PIK3CB: variants seen among roughly 807,000 people sequenced by gnomAD.
PIK3CB encodes phosphatidylinositol 4,5-bisphosphate 3-kinase catalytic subunit beta isoform.
PIK3CB carries 39 observed loss-of-function variants against 136.8 expected under a neutral mutation model. The observed-to-expected ratio is 0.29, with a 90% confidence interval of 0.22 to 0.37. PIK3CB has a LOEUF of 0.37. Ranked by LOEUF, PIK3CB falls within the 10% of genes least tolerant of loss-of-function variation. The pLI, the probability that PIK3CB is intolerant of heterozygous loss-of-function variation, is 1.00. For synonymous variants in PIK3CB, 428 were observed against 436.6 expected, an observed-to-expected ratio of 0.98 and a Z score of 0.25; for missense variants, 868 against 1,275.4, an observed-to-expected ratio of 0.68 and a Z score of 4.87.
chr3:138,781,456 A>ATT (rs60060720), intron 2 of PIK3CB, among the ~76,000 whole-genome samples: 1 of 144,698 alleles, frequency 6.9e-6, no homozygotes, highest in African/African-American at 2.5e-5. Flanking sequence ...CTCTACAGAA[A>ATT]TTTTTTTTTT....
At chr3:138,696,516 T>C (rs578226056) in intron 13 of PIK3CB, among the ~76,000 whole-genome samples, 2 of 152,304 alleles carry the variant, frequency 1.3e-5, no homozygotes, top group Admixed American at 1.3e-4. Context: ...AAGTTTTACT[T>C]AGCTATTCTT....
chr3:138,789,351 C>T (rs577309605), intron 2 of PIK3CB, among the ~76,000 whole-genome samples: 1 of 151,772 alleles, frequency 6.6e-6, no homozygotes, highest in South Asian at 2.1e-4. Context: ...CCCAGCTACT[C>T]AGGAGGCTGA....
At chr3:138,819,870 G>T (rs1453989602) in intron 1 of PIK3CB, among the ~76,000 whole-genome samples, 2 of 152,170 alleles carry the variant, frequency 1.3e-5, no homozygotes, top group East Asian at 3.9e-4. Flanking sequence ...GGGCTACTTG[G>T]GTGGCTGAGG....
At chr3:138,777,525 C>T (rs772471786) in intron 2 of PIK3CB, among the ~76,000 whole-genome samples, 3 of 152,142 alleles carry the variant, frequency 2.0e-5, no homozygotes, top group Non-Finnish European at 2.9e-5. Flanking sequence ...ATCCCTCAGA[C>T]GTCATGTTTT....
chr3:138,730,423 C>T (rs1221220944), intron 8 of PIK3CB, among the ~76,000 whole-genome samples: 1 of 152,058 alleles, frequency 6.6e-6, no homozygotes, highest in Non-Finnish European at 1.5e-5. Flanking sequence ...AGAGAAATAC[C>T]AACCATAAAC....
intron 2 of PIK3CB, among the ~76,000 whole-genome samples, chr3:138,765,282 A>T (rs576186085): frequency 1.3e-5 from 2 of 152,250 alleles, no homozygotes; most frequent in South Asian, 4.2e-4. Context: ...ATGCCACTGC[A>T]CTCCGGCCTG....
chr3:138,771,027 A>G (rs1050208192), intron 2 of PIK3CB, among the ~76,000 whole-genome samples: 1 of 151,954 alleles, frequency 6.6e-6, no homozygotes, highest in African/African-American at 2.4e-5. Context: ...TTCTTTAAAT[A>G]CTACATTTGC....
intron 2 of PIK3CB, among the ~76,000 whole-genome samples, chr3:138,769,231 C>A (rs2045771333): frequency 6.6e-6 from 1 of 152,218 alleles, no homozygotes; most frequent in Non-Finnish European, 1.5e-5. Flanking sequence ...GCTGCCATCA[C>A]TACTATTTCT....
At chr3:138,792,049 G>A (rs533834903) in intron 2 of PIK3CB, among the ~76,000 whole-genome samples, 1 of 152,200 alleles carries the variant, frequency 6.6e-6, no homozygotes, top group African/African-American at 2.4e-5. Flanking sequence ...TGGATGCGGG[G>A]CCAGGCCTGG....
rs2108644421 is a variant in PIK3CB, at chr3:138,734,672, G to A, written c.934C>T (p.Pro312Ser). Reference sequence around the variant, plus strand: ...GTTTTCTTTGGTGGTAATGGAAGAGGAAGATTAGATGAATTTCGATTTATG... The same window carrying A: ...GTTTTCTTTGGTGGTAATGGAAGAGAAAGATTAGATGAATTTCGATTTATG... ...AAINRNSSNL[P>S]LPLPPKKTRI... is the part of the protein sequence containing the mutation. The change falls in exon 7 of 24, where the codon CCT (proline) becomes TCT (serine). Residue 312 changes from proline (P) to serine (S), a missense_variant. Pro to Ser is a moderately conservative substitution (Grantham distance 74). Transcript: ENST00000674063. 6.2e-7 allele frequency: 1 copy of A among 1,612,922 alleles called. No homozygotes were observed. Among genetic ancestry groups the A allele is most frequent in the Non-Finnish European group, 8.5e-7 (1 of 1,179,262 alleles).
intron 2 of PIK3CB, among the ~76,000 whole-genome samples, chr3:138,779,789 A>G (rs551713217): frequency 6.7e-6 from 1 of 149,002 alleles, no homozygotes; most frequent in South Asian, 2.1e-4. Flanking sequence ...TCGGCCTCCC[A>G]AAGTGCTAGG....
At position 138,707,276 on chromosome 3, in the gene PIK3CB, T is replaced by G; in HGVS notation, c.1413A>C (p.Glu471Asp). 1 of 1,598,614 alleles carries G rather than the reference T, an allele frequency of 6.3e-7. No individual in the cohort carries two copies. The highest frequency in any genetic ancestry group is 8.5e-7 in the Non-Finnish European group (1 of 1,174,474). ...GAACAGTTCCCATTGGATTCAACAT[T>G]TCTTCGAGTTCATCTAAAACATGCA... The part of the protein sequence containing the change: ...SWSSFPDELE[E>D]MLNPMGTVQT... Residue 471 changes from glutamate to aspartate, a missense_variant, in exon 11 of 24, where the codon GAA becomes GAC. This residue lies in a region of PIK3CB where 612 missense variants were observed against 801.1 expected (regional missense o/e 0.76). Transcript: ENST00000674063.
intron 1 of PIK3CB, among the ~76,000 whole-genome samples, chr3:138,823,721 A>G (rs113357870): frequency 6.6e-6 from 1 of 151,356 alleles, no homozygotes. Flanking sequence ...TAATGAAAAA[A>G]TTTTTTTAAA....
rs182565166 is a variant in PIK3CB, at chr3:138,797,909, C to A, written c.-121-1342G>T. 2.0e-3 allele frequency among the ~76,000 whole-genome samples: 306 copies of A among 152,006 alleles called. 1 individual carries two copies. Among genetic ancestry groups the A allele is most frequent in the Admixed American group, 6.4e-3 (98 of 15,234 alleles). Reference sequence around the variant, plus strand: ...CTCAGGCTGCAGTGAACCAAGATCACACCACTGCACTCCAGGCTGGGCAAC... The same window carrying A: ...CTCAGGCTGCAGTGAACCAAGATCAAACCACTGCACTCCAGGCTGGGCAAC... On this transcript the variant is annotated intron_variant, in intron 1 of 23. Transcript: ENST00000674063.
chr3:138,727,916 G>C (rs533464562), intron 8 of PIK3CB, among the ~76,000 whole-genome samples: 2 of 152,018 alleles, frequency 1.3e-5, no homozygotes, highest in Non-Finnish European at 2.9e-5. Context: ...GGAGTGCAAT[G>C]GTGTGACCTC....
chr3:138,762,680 C>T (rs767288252), intron 2 of PIK3CB, among the ~76,000 whole-genome samples: 5 of 152,080 alleles, frequency 3.3e-5, no homozygotes, highest in South Asian at 2.1e-4. Flanking sequence ...TTTGCAGGGC[C>T]AGGTAGGGTG....
chr3:138,773,617 T>A (rs1054139547), intron 2 of PIK3CB, among the ~76,000 whole-genome samples: 2 of 152,150 alleles, frequency 1.3e-5, no homozygotes, highest in Non-Finnish European at 2.9e-5. Context: ...GGAAAAAAAA[T>A]TTAAAAATTA....
intron 8 of PIK3CB, among the ~76,000 whole-genome samples, chr3:138,721,264 G>C (rs1305749082): frequency 1.3e-5 from 2 of 152,092 alleles, no homozygotes; most frequent in Non-Finnish European, 2.9e-5. Context: ...CTGGGTTCAA[G>C]CAATTCTCCT....
intron 1 of PIK3CB, among the ~76,000 whole-genome samples, chr3:138,833,309 C>T (rs1270278246): frequency 6.6e-6 from 1 of 151,954 alleles, no homozygotes; most frequent in Non-Finnish European, 1.5e-5. Context: ...TCAATTGATC[C>T]GCCCGCCTCG....
Sources: allele counts gnomAD v4.1 joint callset (sites outside exome capture counted in the v4.1 genomes callset), GRCh38; gene constraint gnomAD v4.1.1; regional missense constraint gnomAD v4.1.1; transcripts MANE v1.5; gene names NCBI Gene and HGNC (gene_info 2026-07-23, HGNC 2026-07-21).